Variants in LIPK observed in about 807,000 individuals in gnomAD.
LIPK encodes lipase member K.
A neutral mutation model predicts 48.6 loss-of-function variants in LIPK; 32 were observed. That is an observed-to-expected ratio of 0.66 (90% CI 0.50 to 0.88). The LOEUF (loss-of-function observed/expected upper bound fraction) is 0.88. Among genes scored for constraint, LIPK ranks in the 40% least tolerant of loss-of-function variants. The probability of loss-of-function intolerance (pLI) is 0.00; values close to 1 mark genes in which losing one functional copy is unlikely to be tolerated. For synonymous variants in LIPK, 164 were observed against 157.4 expected, an observed-to-expected ratio of 1.04 and a Z score of -0.32; for missense variants, 507 against 478.5, an observed-to-expected ratio of 1.06 and a Z score of -0.56.
intron 6 of LIPK, among the ~76,000 whole-genome samples, 174 bp from the exon 7 acceptor site, chr10:88,737,461 T>G (rs1294706647): frequency 2.0e-5 from 3 of 152,190 alleles, no homozygotes; most frequent in Admixed American, 6.5e-5. Flanking sequence ...GGAAAAGCCA[T>G]TAAGAGGTGC....
At chr10:88,723,661 G>A (rs1259777136) in intron 1 of LIPK, among the ~76,000 whole-genome samples, 1 of 151,936 alleles carries the variant, frequency 6.6e-6, no homozygotes, top group African/African-American at 2.4e-5. Flanking sequence ...CTATGATAAA[G>A]TAATACTGGA....
chr10:88,728,707 A>G (rs427687), intron 3 of LIPK: 260,953 of 345,126 alleles, frequency 0.76, 100,844 homozygotes, highest in East Asian at 1. Context: ...ATGCATAGGA[A>G]GACAAGCAGT....
At chr10:88,742,295 G>A (rs1018271380) in intron 8 of LIPK, among the ~76,000 whole-genome samples, 4 of 152,146 alleles carry the variant, frequency 2.6e-5, no homozygotes, top group African/African-American at 7.2e-5. Context: ...TAAGTAGTAC[G>A]TCCTATTGCC....
intron 7 of LIPK, among the ~76,000 whole-genome samples, chr10:88,739,598 G>A (rs1313705715): frequency 6.6e-6 from 1 of 152,058 alleles, no homozygotes; most frequent in African/African-American, 2.4e-5. Flanking sequence ...GCTCACACCT[G>A]TAATCCCAGC....
intron 2 of LIPK, among the ~76,000 whole-genome samples, 160 bp downstream of exon 2, chr10:88,724,808 T>C (rs546049884): frequency 6.6e-6 from 1 of 152,304 alleles, no homozygotes; most frequent in African/African-American, 2.4e-5. Flanking sequence ...AATCCAAGAA[T>C]TAAAAGATCT....
At chr10:88,729,885 T>G (rs909457968) in intron 3 of LIPK, among the ~76,000 whole-genome samples, 2 of 152,212 alleles carry the variant, frequency 1.3e-5, no homozygotes, top group Admixed American at 6.5e-5. Flanking sequence ...AAACCACTTA[T>G]AAAGCACAGG....
At chr10:88,721,302 A>G (rs972745674) in intron 1 of LIPK, among the ~76,000 whole-genome samples, 2 of 152,220 alleles carry the variant, frequency 1.3e-5, no homozygotes, top group Non-Finnish European at 2.9e-5. Flanking sequence ...GAGTATTATT[A>G]AGAGAGGTTC....
intron 1 of LIPK, among the ~76,000 whole-genome samples, chr10:88,718,959 A>G (rs1481321996): frequency 6.6e-6 from 1 of 152,208 alleles, no homozygotes; most frequent in Non-Finnish European, 1.5e-5. Flanking sequence ...AATTGAAATA[A>G]TTGTGCCATA....
chr10:88,732,124 C>A, intron 4 of LIPK, 54 bp from the exon 5 acceptor site: 1 of 1,198,250 alleles, frequency 8.3e-7, no homozygotes, highest in South Asian at 1.3e-5. Flanking sequence ...TTTAAATGTT[C>A]TAGGCCTAAC....
rs1337897674 is a variant in LIPK at position 88,724,448 on chromosome 10, A to G, written c.-11-85A>G. 9 of 744,174 alleles carry G rather than the reference A, an allele frequency of 1.2e-5. No homozygotes were observed. In the Admixed American group the frequency reaches 2.3e-4, roughly 19 times the overall value. The allele number at this position is 744,174 out of a possible 1,614,324, so 46.1% of individuals were successfully genotyped here. ...TAGAAGTATGTTTCTGCTCTCTCTC[A>G]TAGCAGTGTTATAAAAAGATTACAC... On this transcript the variant is annotated intron_variant, in intron 1 of 9. Transcript: ENST00000404190.
intron 6 of LIPK, among the ~76,000 whole-genome samples, chr10:88,733,839 G>A (rs770063547): frequency 1.3e-5 from 2 of 152,158 alleles, no homozygotes; most frequent in Non-Finnish European, 2.9e-5. Flanking sequence ...CAAGGCCCTG[G>A]CATTAGGAAA....
At chr10:88,733,118 T>G (rs781154368) in intron 6 of LIPK, among the ~76,000 whole-genome samples, 1 of 152,220 alleles carries the variant, frequency 6.6e-6, no homozygotes, top group Non-Finnish European at 1.5e-5. Flanking sequence ...ACAATTGTTT[T>G]TGTTATCATT....
intron 2 of LIPK, 28 bp downstream of exon 2, chr10:88,724,676 T>C (rs368393341): frequency 1.0e-5 from 15 of 1,442,638 alleles, no homozygotes; most frequent in Non-Finnish European, 1.4e-5. Flanking sequence ...AAAAAAATGC[T>C]AAAATAAGGA....
At chr10:88,740,774 G>T (rs563267203) in intron 8 of LIPK, among the ~76,000 whole-genome samples, 2 of 152,070 alleles carry the variant, frequency 1.3e-5, no homozygotes, top group African/African-American at 4.8e-5. Context: ...CGGGGAAAGT[G>T]GTGGTGTCTT....
At chr10:88,720,138 AC>A (rs753221857) in intron 1 of LIPK, among the ~76,000 whole-genome samples, 5 of 152,174 alleles carry the variant, frequency 3.3e-5, no homozygotes, top group Non-Finnish European at 5.9e-5. Flanking sequence ...CAAGTAATGT[AC>A]CTTTTTCCAA....
At chr10:88,725,818 G>A (rs1299236299) in intron 2 of LIPK, among the ~76,000 whole-genome samples, 1 of 152,108 alleles carries the variant, frequency 6.6e-6, no homozygotes, top group East Asian at 1.9e-4. Flanking sequence ...GACCCCTCTA[G>A]GCTCACTCTC....
At chr10:88,744,829 A>G (rs768284259) in intron 9 of LIPK, among the ~76,000 whole-genome samples, 21 of 152,242 alleles carry the variant, frequency 1.4e-4, no homozygotes, top group Admixed American at 2.0e-4. Flanking sequence ...GGCAACAGAG[A>G]TCATTGAAAT....
At chr10:88,737,390 T>C (rs2134757812) in intron 6 of LIPK, among the ~76,000 whole-genome samples, 1 of 152,284 alleles carries the variant, frequency 6.6e-6, no homozygotes, top group South Asian at 2.1e-4. Context: ...TCTTACTAAT[T>C]TCCTGTGGGA....
At chr10:88,732,772 C>T (rs988417503) in intron 6 of LIPK, among the ~76,000 whole-genome samples, 1 of 152,204 alleles carries the variant, frequency 6.6e-6, no homozygotes, top group Non-Finnish European at 1.5e-5. Context: ...TGTCTAGAAA[C>T]GTGTCTGCTG....
Sources: gnomAD v4.1 joint callset for allele counts (sites outside exome capture counted in the v4.1 genomes callset) on GRCh38, gnomAD v4.1.1 for gene constraint, MANE v1.5 for transcripts, NCBI Gene and HGNC (gene_info 2026-07-23, HGNC 2026-07-21) for gene names.